The following AFF4 variants were observed in gnomAD, a reference collection of about 807,000 sequenced individuals.
AFF4 encodes ALF transcription elongation factor 4.
In AFF4, 13 loss-of-function variants were observed where a neutral mutation model predicts 124.8. The ratio of observed to expected loss-of-function variants is 0.10; its 90% confidence interval spans 0.07 to 0.17. The LOEUF (loss-of-function observed/expected upper bound fraction) is 0.17. Ranked by LOEUF, AFF4 falls within the 10% of genes least tolerant of loss-of-function variation. The pLI is 1.00. For missense variants in AFF4, 1,092 were observed against 1,403.8 expected (o/e 0.78, Z 3.55); for synonymous variants, 477 against 496.1 (o/e 0.96, Z 0.51).
intron 10 of AFF4, among the ~76,000 whole-genome samples, chr5:132,897,472 G>C (rs573776741): frequency 1.3e-5 from 2 of 152,296 alleles, no homozygotes; most frequent in East Asian, 3.9e-4. Context: ...AGCACTTTGG[G>C]AGGCTGAGGT....
intron 5 of AFF4, among the ~76,000 whole-genome samples, chr5:132,919,386 T>C (rs1402392490): frequency 6.6e-6 from 1 of 151,888 alleles, no homozygotes; most frequent in African/African-American, 2.4e-5. Flanking sequence ...ACATACAGAG[T>C]CAACTACAAC....
chr5:132,925,471 T>G (rs1761149994), intron 5 of AFF4, among the ~76,000 whole-genome samples: 1 of 151,780 alleles, frequency 6.6e-6, no homozygotes, highest in South Asian at 2.1e-4. Flanking sequence ...ATTAAAAACT[T>G]TAGACAATAA....
At chr5:132,891,983 C>T in intron 13 of AFF4, 181 bp downstream of exon 13, 1 of 943,414 alleles carries the variant, frequency 1.1e-6, no homozygotes, top group Non-Finnish European at 1.6e-6. Flanking sequence ...AGCTGACTTA[C>T]CACCTTCACA....
intron 11 of AFF4, among the ~76,000 whole-genome samples, chr5:132,895,055 A>G (rs1760354122): frequency 1.3e-5 from 2 of 152,250 alleles, no homozygotes; most frequent in Non-Finnish European, 2.9e-5. Flanking sequence ...TAGCTTCCAA[A>G]AGAGCAGAGT....
chr5:132,890,156 AT>A (rs1760219132), intron 13 of AFF4, among the ~76,000 whole-genome samples: 1 of 151,118 alleles, frequency 6.6e-6, no homozygotes, highest in Non-Finnish European at 1.5e-5. Flanking sequence ...CCCATATAAA[AT>A]TTTTTATATT....
At chr5:132,941,023 T>C (rs572985758) in intron 1 of AFF4, among the ~76,000 whole-genome samples, 1 of 109,182 alleles carries the variant, frequency 9.2e-6, no homozygotes, top group African/African-American at 3.7e-5. Flanking sequence ...CGAAACTACA[T>C]CTCAAAAAAA....
rs935467082 is a variant in AFF4, at chr5:132,927,362, A to G, written c.964-155T>C. ...TAAATATTAAGCACAATTGTGTGCTAGGCACTATGGTGTAGGTAATAAGAA... is the reference window on the plus strand; with the variant it reads ...TAAATATTAAGCACAATTGTGTGCTGGGCACTATGGTGTAGGTAATAAGAA... On this transcript the variant is annotated intron_variant, in intron 4 of 20. Transcript: ENST00000265343. The G allele has an allele frequency of 2.2e-5, 14 of 623,226 alleles. No homozygotes were observed. In the South Asian group the frequency reaches 2.8e-4, roughly 12 times the overall value. The allele number at this position is 623,226 out of a possible 1,614,324, so 38.6% of individuals were successfully genotyped here. A position where few individuals can be genotyped will look rare whatever the true frequency, so the allele number is the denominator to read the frequency against.
At chr5:132,959,830 T>C (rs564736966) in intron 1 of AFF4, among the ~76,000 whole-genome samples, 1 of 140,268 alleles carries the variant, frequency 7.1e-6, no homozygotes, top group African/African-American at 2.7e-5. Flanking sequence ...AGTGGTGCGA[T>C]CTCGACTCAC....
Position 132,963,363 on chromosome 5 carries a change from G to A in AFF4, c.-109C>T, listed in dbSNP as rs962119269. On this transcript the variant is annotated 5_prime_UTR_variant, in exon 1 of 21. Transcript: ENST00000265343. ...GCGCATTCGAGCCCGCCCAGGGGGC[G>A]GTGACAGGCTGCCAAGGGCGAGGGG... 3.8e-5 allele frequency: 15 copies of A among 397,360 alleles called. No individual in the cohort carries two copies. Among genetic ancestry groups the A allele is most frequent in the African/African-American group, 3.1e-4 (15 of 48,582 alleles). The allele number at this position is 397,360 out of a possible 1,614,324, so 24.6% of individuals were successfully genotyped here. A position where few individuals can be genotyped will look rare whatever the true frequency, so the allele number is the denominator to read the frequency against.
At chr5:132,948,136 C>T (rs1353484970) in intron 1 of AFF4, among the ~76,000 whole-genome samples, 3 of 151,940 alleles carry the variant, frequency 2.0e-5, no homozygotes, top group African/African-American at 7.3e-5. Context: ...CTGCAACCTC[C>T]GCCTCCTGGG....
chr5:132,876,355 A>C lies in AFF4; in HGVS notation c.*4704T>G, dbSNP rs1313402245. ...ATTGATTTGAAAGGCAGCATTTCCA[A>C]ATTGATATTTTCCAGAGAGGAACAT... is the stretch of plus-strand genomic sequence containing the variant. On this transcript the variant is annotated 3_prime_UTR_variant, in exon 21 of 21. Transcript: ENST00000265343. 4.4e-6 allele frequency: 1 copy of C among 228,654 alleles called. No individual in the cohort carries two copies. The highest frequency in any genetic ancestry group is 8.7e-6 in the Non-Finnish European group (1 of 115,006). The allele number at this position is 228,654 out of a possible 1,614,324, so 14.2% of individuals were successfully genotyped here. A position where few individuals can be genotyped will look rare whatever the true frequency, so the allele number is the denominator to read the frequency against.
intron 5 of AFF4, among the ~76,000 whole-genome samples, chr5:132,919,844 TTTCA>T (rs1344785212): frequency 6.6e-6 from 1 of 151,936 alleles, no homozygotes; most frequent in Non-Finnish European, 1.5e-5. Context: ...AGTGAGACTC[TTTCA>T]AAAACAGAAA....
chr5:132,886,433 C>G (rs1760120882), intron 17 of AFF4, 30 bp from the exon 18 acceptor site: 1 of 1,602,656 alleles, frequency 6.2e-7, no homozygotes, highest in Admixed American at 1.7e-5. Context: ...GGCTTATTTA[C>G]CAGGACAGCA....
chr5:132,904,559 A>G (rs968735275), intron 5 of AFF4, among the ~76,000 whole-genome samples, 155 bp from the exon 6 acceptor site: 9 of 152,236 alleles, frequency 5.9e-5, no homozygotes, highest in African/African-American at 2.2e-4. Context: ...TTTGGGATCA[A>G]TAATGGACTT....
At chr5:132,936,793 A>G (rs1761442224) in intron 2 of AFF4, among the ~76,000 whole-genome samples, 1 of 152,206 alleles carries the variant, frequency 6.6e-6, no homozygotes, top group South Asian at 2.1e-4. Context: ...GGGTGCTGGT[A>G]ATGCTCTATT....
At chr5:132,935,545 C>A (rs970298235) in intron 2 of AFF4, among the ~76,000 whole-genome samples, 6 of 152,012 alleles carry the variant, frequency 3.9e-5, no homozygotes, top group African/African-American at 1.2e-4. Flanking sequence ...CCAAGGTGGG[C>A]GGATCACCTG....
At position 132,899,156 on chromosome 5, in the gene AFF4, T is replaced by G; in HGVS notation, c.1189-15A>C. 6.2e-7 allele frequency: 1 copy of G among 1,609,876 alleles called. No homozygotes were observed. Among genetic ancestry groups the G allele is most frequent in the Non-Finnish European group, 8.5e-7 (1 of 1,176,536 alleles). ...TTATCACAATCCTAAAATTAAAACA[T>G]AAGAAAGAATCTGTGAATGAATAAA... is the stretch of plus-strand genomic sequence containing the variant. On this transcript the variant is annotated splice_polypyrimidine_tract_variant and intron_variant, in intron 8 of 20. Transcript: ENST00000265343.
intron 1 of AFF4, among the ~76,000 whole-genome samples, chr5:132,958,365 C>T (rs944584949): frequency 2.0e-5 from 3 of 147,438 alleles, no homozygotes; most frequent in Non-Finnish European, 4.5e-5. Context: ...ACTCGGGAGG[C>T]TGAGTTATGA....
In AFF4 at chr5:132,896,794, A is replaced by G. The variant is rs768832734; in HGVS notation, c.1836T>C (p.Asn612=). The G allele has an allele frequency of 6.2e-7, 1 of 1,613,894 alleles. No homozygotes were observed. Among genetic ancestry groups the G allele is most frequent in the South Asian group, 1.1e-5 (1 of 91,066 alleles). ...GGGAAGACTTAGACTCCTTCTTTATATTGGGTTTCCTTGAGCCTTTGGTGG... is the reference window on the plus strand; with the variant it reads ...GGGAAGACTTAGACTCCTTCTTTATGTTGGGTTTCCTTGAGCCTTTGGTGG... The part of the protein sequence containing the change: ...KAATKGSRKP[N]IKKESKSSPR... Residue 612 remains asparagine, a synonymous_variant, in exon 11 of 21, where the codon AAT becomes AAC. Coordinates refer to ENST00000265343, the MANE Select transcript of AFF4 (RefSeq NM_014423.4).
Sources: gnomAD v4.1 joint callset for allele counts (sites outside exome capture counted in the v4.1 genomes callset) on GRCh38, gnomAD v4.1.1 for gene constraint, MANE v1.5 for transcripts, NCBI Gene and HGNC (gene_info 2026-07-23, HGNC 2026-07-21) for gene names.